Variants in PAX3 observed in about 807,000 individuals in gnomAD.
PAX3 encodes paired box 3.
PAX3 carries 14 observed loss-of-function variants against 51.6 expected under a neutral mutation model. The ratio of observed to expected loss-of-function variants is 0.27; its 90% confidence interval spans 0.18 to 0.42. The LOEUF is 0.42. Among genes scored for constraint, PAX3 ranks in the 10% least tolerant of loss-of-function variants. The probability of loss-of-function intolerance (pLI) is 1.00; values close to 1 mark genes in which losing one functional copy is unlikely to be tolerated. For missense variants in PAX3, 540 were observed against 642.8 expected (o/e 0.84, Z 1.73); for synonymous variants, 280 against 253.4 (o/e 1.11, Z -1.00).
At chr2:222,290,667 T>C (rs1456031906) in intron 4 of PAX3, among the ~76,000 whole-genome samples, 1 of 152,176 alleles carries the variant, frequency 6.6e-6, no homozygotes, top group Non-Finnish European at 1.5e-5. Flanking sequence ...AGTCTTGCAG[T>C]CGCGTGTCCA....
intron 7 of PAX3, among the ~76,000 whole-genome samples, chr2:222,213,754 T>C (rs1234566415): frequency 6.6e-6 from 1 of 152,206 alleles, no homozygotes; most frequent in Non-Finnish European, 1.5e-5. Flanking sequence ...TACTTGCTTG[T>C]CTGATTCTTC....
intron 4 of PAX3, among the ~76,000 whole-genome samples, chr2:222,253,158 T>G (rs1472965197): frequency 2.0e-5 from 3 of 152,308 alleles, no homozygotes; most frequent in Admixed American, 2.0e-4. Context: ...CCGAGGATTC[T>G]GTTCTCAACA....
intron 3 of PAX3, among the ~76,000 whole-genome samples, chr2:222,294,758 G>GCCCCCCCCCCCCCCCC (rs368069047): frequency 2.4e-4 from 21 of 87,092 alleles, no homozygotes; most frequent in African/African-American, 4.0e-4. Context: ...ACTTGTCCGC[G>GCCCCCCCCCCCCCCCC]CCCCCCCCCA....
intron 4 of PAX3, among the ~76,000 whole-genome samples, chr2:222,232,574 G>C (rs971244534): frequency 6.6e-6 from 1 of 151,988 alleles, no homozygotes; most frequent in South Asian, 2.1e-4. Flanking sequence ...TGCCCCCTAG[G>C]CAGAAATAAT....
intron 4 of PAX3, among the ~76,000 whole-genome samples, chr2:222,277,411 C>T (rs1463309228): frequency 6.6e-6 from 1 of 152,184 alleles, no homozygotes; most frequent in Non-Finnish European, 1.5e-5. Context: ...CTGAACCCAC[C>T]TTTTACAGGA....
At chr2:222,260,599 T>TG (rs1559292909) in intron 4 of PAX3, among the ~76,000 whole-genome samples, 21 of 66,864 alleles carry the variant, frequency 3.1e-4, no homozygotes, top group African/African-American at 8.7e-4. Flanking sequence ...TTGTTTTTTT[T>TG]TTTTTTTTTT....
intron 4 of PAX3, among the ~76,000 whole-genome samples, chr2:222,293,429 T>C (rs1695119536): frequency 6.9e-6 from 1 of 145,708 alleles, no homozygotes; most frequent in Admixed American, 7.3e-5. Context: ...CTGTCTCCCA[T>C]GGGGGAGATT....
intron 4 of PAX3, chr2:222,242,679 A>T (rs1693061962): frequency 1.3e-5 from 2 of 152,244 alleles, no homozygotes; most frequent in South Asian, 4.1e-4. Flanking sequence ...GGACTCAGAT[A>T]TCACAACCCT....
At chr2:222,260,564 T>A (rs1574708136) in intron 4 of PAX3, among the ~76,000 whole-genome samples, 1 of 63,698 alleles carries the variant, frequency 1.6e-5, no homozygotes, top group African/African-American at 5.6e-5. Context: ...TTTTTTTTTT[T>A]GTTTTTTTTT....
At chr2:222,235,205 T>C (rs890552881) in intron 4 of PAX3, among the ~76,000 whole-genome samples, 5 of 152,194 alleles carry the variant, frequency 3.3e-5, no homozygotes, top group African/African-American at 9.6e-5. Flanking sequence ...ATCCTGAGGG[T>C]CAAGACCATG....
At chr2:222,285,589 C>A (rs553710579) in intron 4 of PAX3, among the ~76,000 whole-genome samples, 35 of 152,110 alleles carry the variant, frequency 2.3e-4, no homozygotes, top group Non-Finnish European at 3.1e-4. Context: ...TGTATGTGAC[C>A]GTATCAGCAT....
chr2:222,277,940 A>AG (rs1157516729), intron 4 of PAX3, among the ~76,000 whole-genome samples: 1 of 150,276 alleles, frequency 6.7e-6, no homozygotes, highest in East Asian at 2.0e-4. Flanking sequence ...CTCAAAAAAA[A>AG]AAAAAAAAAA....
At chr2:222,242,316 T>G (rs1352322621) in intron 4 of PAX3, 1 of 152,120 alleles carries the variant, frequency 6.6e-6, no homozygotes, top group East Asian at 1.9e-4. Flanking sequence ...TTTTTTACCA[T>G]TATGGACAAA....
Position 222,200,767 on chromosome 2 carries a change from A to C in PAX3, c.*641T>G, listed in dbSNP as rs549234666. On this transcript the variant is annotated 3_prime_UTR_variant, in exon 9 of 9. Coordinates refer to ENST00000392070, the MANE Select transcript of PAX3 (RefSeq NM_181458.4). ...AGACATGTCCGGGCCATTTATTGAC[A>C]ACTAGATTACAAATGAGGATACAGT... 6 of 282,152 alleles carry C rather than the reference A, an allele frequency of 2.1e-5. No individual in the cohort carries two copies. The highest frequency in any genetic ancestry group is 4.1e-5 in the Non-Finnish European group (6 of 147,830). The allele number at this position is 282,152 out of a possible 1,614,324, so 17.5% of individuals were successfully genotyped here. A position where few individuals can be genotyped will look rare whatever the true frequency, so the allele number is the denominator to read the frequency against.
chr2:222,260,569 TTTTTTTTTG>T (rs1559292804), intron 4 of PAX3, among the ~76,000 whole-genome samples: 6 of 74,612 alleles, frequency 8.0e-5, no homozygotes, highest in Non-Finnish European at 1.7e-4. Context: ...TTTTTTGTTT[TTTTTTTTTG>T]TTTTTTTTTT....
intron 4 of PAX3, among the ~76,000 whole-genome samples, chr2:222,239,863 G>A (rs1325904183): frequency 6.6e-6 from 1 of 151,898 alleles, no homozygotes; most frequent in African/African-American, 2.4e-5. Context: ...GATATGCTGA[G>A]CTTTCTTGAG....
chr2:222,275,909 C>G (rs1334731165), intron 4 of PAX3, among the ~76,000 whole-genome samples: 1 of 152,166 alleles, frequency 6.6e-6, no homozygotes, highest in East Asian at 1.9e-4. Context: ...TAGTTAAGAG[C>G]AAACTCTTGT....
intron 3 of PAX3, among the ~76,000 whole-genome samples, chr2:222,294,892 ACT>A (rs1695211855): frequency 6.8e-6 from 1 of 146,870 alleles, no homozygotes; most frequent in South Asian, 2.1e-4. Flanking sequence ...AAGAAAATGC[ACT>A]CTCTCCCACT....
At position 222,201,417 on chromosome 2, in the gene PAX3, A is replaced by G. The variant is rs1460438643; in HGVS notation, c.1446T>C (p.Asp482=). 6.2e-7 allele frequency: 1 copy of G among 1,613,990 alleles called. No homozygotes were observed. Among genetic ancestry groups the G allele is most frequent in the East Asian group, 2.2e-5 (1 of 44,854 alleles). Residue 482 remains aspartate (D), a synonymous_variant, in exon 9 of 9, where the codon GAT becomes GAC. Transcript: ENST00000392070. ...CAAGTGGACAGTTCACTTACGCGAT[A>G]TCTGGCTTGAGATAATGAAAGGCAC... is the stretch of plus-strand genomic sequence containing the variant. ...GQSAFHYLKP[D]IA is the part of the protein sequence containing the mutation.
Sources: allele counts gnomAD v4.1 joint callset (sites outside exome capture counted in the v4.1 genomes callset), GRCh38; gene constraint gnomAD v4.1.1; transcripts MANE v1.5; gene names NCBI Gene and HGNC (gene_info 2026-07-23, HGNC 2026-07-21).